The following SLC44A1 variants were observed in gnomAD, a reference collection of about 807,000 sequenced individuals.
SLC44A1 encodes solute carrier family 44 member 1.
SLC44A1 carries 26 observed loss-of-function variants against 79.3 expected under a neutral mutation model. The observed-to-expected ratio is 0.33, with a 90% confidence interval of 0.24 to 0.46. SLC44A1 has a LOEUF of 0.46. Ranked by LOEUF, SLC44A1 falls within the 20% of genes least tolerant of loss-of-function variation. The pLI is 1.00. For missense variants in SLC44A1, 688 were observed against 798.1 expected, an observed-to-expected ratio of 0.86 and a Z score of 1.66; for synonymous variants, 263 against 286.2, an observed-to-expected ratio of 0.92 and a Z score of 0.82.
intron 6 of SLC44A1, chr9:105,357,234 T>C (rs1476996957): frequency 2.0e-5 from 3 of 152,194 alleles, no homozygotes; most frequent in African/African-American, 7.2e-5. Context: ...CTGTTTTTGG[T>C]TCCTGTACAT....
At chr9:105,365,400 T>C (rs1827907630) in intron 10 of SLC44A1, 83 bp from the exon 11 acceptor site, 2 of 1,031,328 alleles carry the variant, frequency 1.9e-6, no homozygotes, top group Admixed American at 2.5e-5. Flanking sequence ...TTTTTTTCAC[T>C]GCGTTGGACT....
chr9:105,292,872 G>T (rs1342977074), intron 1 of SLC44A1, among the ~76,000 whole-genome samples: 1 of 152,156 alleles, frequency 6.6e-6, no homozygotes, highest in Non-Finnish European at 1.5e-5. Context: ...TCAAAGAAAT[G>T]CTTAAGAATA....
intron 1 of SLC44A1, among the ~76,000 whole-genome samples, chr9:105,256,152 G>A (rs1829699684): frequency 1.3e-5 from 2 of 151,894 alleles, no homozygotes; most frequent in Admixed American, 6.6e-5. Context: ...AGCTGGGACT[G>A]CAGGCATGTA....
At chr9:105,335,528 G>A (rs747282950) in intron 3 of SLC44A1, 35 bp from the exon 4 acceptor site, 3 of 1,579,196 alleles carry the variant, frequency 1.9e-6, no homozygotes, top group Non-Finnish European at 1.7e-6. Flanking sequence ...TGTGTTTTGT[G>A]AAGTAATATC....
intron 1 of SLC44A1, among the ~76,000 whole-genome samples, chr9:105,295,300 G>C (rs1281413847): frequency 6.6e-6 from 1 of 152,172 alleles, no homozygotes; most frequent in Non-Finnish European, 1.5e-5. Flanking sequence ...TGGATTATAT[G>C]ATTATTTTGG....
At chr9:105,406,485 A>G (rs1829030804) in intron 15 of SLC44A1, among the ~76,000 whole-genome samples, 1 of 152,182 alleles carries the variant, frequency 6.6e-6, no homozygotes, top group Non-Finnish European at 1.5e-5. Context: ...TCACACCTAT[A>G]ATCTCAATAC....
Position 105,393,179 on chromosome 9 carries a change from T to C in SLC44A1, c.*4123T>C, listed in dbSNP as rs1172090250. ...ACGCAGATATTTGTGTATTCTGTATTCACAGCGTAGGCTGCCTTTTGCTTT... is the reference window on the plus strand; with the variant it reads ...ACGCAGATATTTGTGTATTCTGTATCCACAGCGTAGGCTGCCTTTTGCTTT... On this transcript the variant is annotated 3_prime_UTR_variant, in exon 16 of 16. Transcript: ENST00000374720. The C allele has an allele frequency of 2.0e-6, 2 of 985,484 alleles. No homozygotes were observed. Among genetic ancestry groups the C allele is most frequent in the East Asian group, 1.1e-4 (1 of 8,824 alleles). 61.0% of individuals were successfully genotyped at this position (985,484 alleles called of 1,614,324 possible).
chr9:105,251,817 C>T (rs998991042), intron 1 of SLC44A1, among the ~76,000 whole-genome samples: 1 of 152,164 alleles, frequency 6.6e-6, no homozygotes, highest in African/African-American at 2.4e-5. Context: ...TTTCTGATCC[C>T]TTCAAACTAG....
chr9:105,344,421 A>G (rs1359935801), intron 4 of SLC44A1, among the ~76,000 whole-genome samples: 1 of 152,190 alleles, frequency 6.6e-6, no homozygotes, highest in Non-Finnish European at 1.5e-5. Flanking sequence ...GGGGGAGGCT[A>G]CTGGAATCTT....
chr9:105,290,081 G>A (rs1156859971), intron 1 of SLC44A1, among the ~76,000 whole-genome samples: 1 of 152,116 alleles, frequency 6.6e-6, no homozygotes. Context: ...CTCCTAAAGT[G>A]CTGGGATTAC....
intron 15 of SLC44A1, among the ~76,000 whole-genome samples, chr9:105,437,081 C>T (rs78201960): frequency 0.014 from 2,113 of 152,030 alleles, 54 homozygotes; most frequent in African/African-American, 0.048. Flanking sequence ...CAAACTGAGC[C>T]GGCCCTTATT....
Position 105,396,612 on chromosome 9 carries a change from A to G in SLC44A1, c.*7556A>G. The G allele has an allele frequency of 1.0e-6, 1 of 985,404 alleles. No individual in the cohort carries two copies. The highest frequency in any genetic ancestry group is 1.2e-6 in the Non-Finnish European group (1 of 829,946). 61.0% of individuals were successfully genotyped at this position (985,404 alleles called of 1,614,324 possible). A position where few individuals can be genotyped will look rare whatever the true frequency, so the allele number is the denominator to read the frequency against. ...CAAGCCCAGCCCAGCATATGGGGTGATATGAGCAGAAAACACACATCGGTG... is the reference window on the plus strand; with the variant it reads ...CAAGCCCAGCCCAGCATATGGGGTGGTATGAGCAGAAAACACACATCGGTG... On this transcript the variant is annotated 3_prime_UTR_variant, in exon 16 of 16. Transcript: ENST00000374720.
At chr9:105,352,333 T>C (rs1827476575) in intron 5 of SLC44A1, among the ~76,000 whole-genome samples, 1 of 152,186 alleles carries the variant, frequency 6.6e-6, no homozygotes, top group Non-Finnish European at 1.5e-5. Flanking sequence ...GACCCCTGCC[T>C]TCTTGTGAAG....
At chr9:105,338,674 A>G (rs1468499278) in intron 4 of SLC44A1, among the ~76,000 whole-genome samples, 1 of 152,198 alleles carries the variant, frequency 6.6e-6, no homozygotes, top group African/African-American at 2.4e-5. Context: ...TCGGCCTCTC[A>G]AAGTGCTGGG....
rs2131494639 is a variant in SLC44A1, at chr9:105,397,008, CAGATGG to C, written c.*7955_*7960del. 3 of 985,222 alleles carry C rather than the reference CAGATGG, an allele frequency of 3.0e-6. No homozygotes were observed. In the South Asian group the frequency reaches 1.4e-4, roughly 46 times the overall value. The allele number at this position is 985,222 out of a possible 1,614,324, so 61.0% of individuals were successfully genotyped here. On this transcript the variant is annotated 3_prime_UTR_variant, in exon 16 of 16. Transcript: ENST00000374720. Reference sequence around the variant, plus strand: ...CATTATTGACACAGTGCAGACTTTGCAGATGGAGCATTATGCTCTCAGAGGACTTTA... The same window carrying C: ...CATTATTGACACAGTGCAGACTTTGCAGCATTATGCTCTCAGAGGACTTTA...
chr9:105,250,250 T>G (rs1829549737), intron 1 of SLC44A1, among the ~76,000 whole-genome samples: 1 of 152,176 alleles, frequency 6.6e-6, no homozygotes, highest in African/African-American at 2.4e-5. Context: ...AAGTTAAATT[T>G]CACACCACCA....
rs193142509 is a variant in SLC44A1 at position 105,303,134 on chromosome 9, G to A, written c.126+3825G>A. On this transcript the variant is annotated intron_variant, in intron 2 of 15. Coordinates refer to ENST00000374720, the MANE Select transcript of SLC44A1 (RefSeq NM_080546.5). ...CAGCTCCTCCTGGGTTCTCAACCAC[G>A]GTTTCTGTACACATCAGGAAACAAG... Among the ~76,000 whole-genome samples the A allele has an allele frequency of 6.6e-5, 10 of 152,200 alleles. 1 individual carries two copies. Among genetic ancestry groups the A allele is most frequent in the Admixed American group, 5.2e-4 (8 of 15,270 alleles).
At chr9:105,286,885 G>T (rs1334255225) in intron 1 of SLC44A1, among the ~76,000 whole-genome samples, 1 of 152,184 alleles carries the variant, frequency 6.6e-6, no homozygotes, top group Non-Finnish European at 1.5e-5. Flanking sequence ...GATTACTTGA[G>T]CCCAGAAGTT....
At chr9:105,369,041 AAAAG>A (rs200926145) in intron 12 of SLC44A1, among the ~76,000 whole-genome samples, 1,586 of 152,310 alleles carry the variant, frequency 0.01, 12 homozygotes, top group Non-Finnish European at 0.014. Context: ...CTTTCAAGAA[AAAAG>A]AAAGAAAGCC....
Sources: allele counts gnomAD v4.1 joint callset (sites outside exome capture counted in the v4.1 genomes callset), GRCh38; gene constraint gnomAD v4.1.1; transcripts MANE v1.5; gene names NCBI Gene and HGNC (gene_info 2026-07-23, HGNC 2026-07-21).